The following CGNL1 variants were observed in gnomAD, a reference collection of about 807,000 sequenced individuals.
The protein encoded by CGNL1 is cingulin-like protein 1.
CGNL1 carries 132 observed loss-of-function variants against 141.2 expected under a neutral mutation model. The ratio of observed to expected loss-of-function variants is 0.93; its 90% CI spans 0.81 to 1.08. The LOEUF (loss-of-function observed/expected upper bound fraction) is 1.08. Among genes scored for constraint, CGNL1 ranks in the 50% least tolerant of loss-of-function variants. CGNL1 has a pLI of 0.00. For missense variants in CGNL1, 1,870 were observed against 1,588.6 expected (o/e 1.18, Z -3.01); for synonymous variants, 690 against 622.1 (o/e 1.11, Z -1.63).
At chr15:57,490,493 C>T (rs1174236144) in intron 8 of CGNL1, among the ~76,000 whole-genome samples, 1 of 151,902 alleles carries the variant, frequency 6.6e-6, no homozygotes, top group African/African-American at 2.4e-5. Flanking sequence ...TGCCGGTGGC[C>T]AAAGTCACAA....
At chr15:57,526,748 C>A (rs1489090168) in intron 12 of CGNL1, among the ~76,000 whole-genome samples, 1 of 152,124 alleles carries the variant, frequency 6.6e-6, no homozygotes, top group African/African-American at 2.4e-5. Context: ...AGACACCATG[C>A]TAGTTAATCT....
chr15:57,415,724 G>A (rs2062841207), intron 1 of CGNL1, among the ~76,000 whole-genome samples: 1 of 152,200 alleles, frequency 6.6e-6, no homozygotes, highest in Non-Finnish European at 1.5e-5. Flanking sequence ...TCAGTGCCTG[G>A]CACGGGCCCA....
At chr15:57,542,044 C>G (rs1595815650) in intron 14 of CGNL1, among the ~76,000 whole-genome samples, 1 of 152,186 alleles carries the variant, frequency 6.6e-6, no homozygotes, top group East Asian at 1.9e-4. Flanking sequence ...GTGTGACACA[C>G]CTCGGTCAGG....
At chr15:57,466,005 T>A (rs1208194517) in intron 8 of CGNL1, among the ~76,000 whole-genome samples, 2 of 152,238 alleles carry the variant, frequency 1.3e-5, no homozygotes, top group East Asian at 3.8e-4. Flanking sequence ...AATTCATGAA[T>A]GCCTATGTTA....
chr15:57,476,836 T>A (rs780058309), intron 8 of CGNL1, among the ~76,000 whole-genome samples: 10 of 152,150 alleles, frequency 6.6e-5, no homozygotes, highest in Non-Finnish European at 1.5e-5. Flanking sequence ...TTCACAGTAA[T>A]GAATAAAGTA....
At chr15:57,380,420 G>A (rs2062411698) in intron 1 of CGNL1, among the ~76,000 whole-genome samples, 1 of 152,172 alleles carries the variant, frequency 6.6e-6, no homozygotes, top group Admixed American at 6.5e-5. Flanking sequence ...AGGGGCCTGA[G>A]TCAGGTGGGG....
Position 57,464,383 on chromosome 15 carries a change from T to G in CGNL1, c.2403+2491T>G, listed in dbSNP as rs145467253. 3.1e-3 allele frequency among the ~76,000 whole-genome samples: 471 copies of G among 152,232 alleles called. 5 individuals carry two copies. The highest frequency in any genetic ancestry group is 0.011 in the African/African-American group (444 of 41,528). ...GCATATCTTCAAATTACAAAATAAATAAAGAAATAAATAAAATAACATAGA... is the reference window on the plus strand; with the variant it reads ...GCATATCTTCAAATTACAAAATAAAGAAAGAAATAAATAAAATAACATAGA... On this transcript the variant is annotated intron_variant, in intron 8 of 18. Coordinates refer to ENST00000281282, the MANE Select transcript of CGNL1 (RefSeq NM_032866.5).
Position 57,453,705 on chromosome 15 carries a change from CG to C in CGNL1, c.2080del (p.Glu694SerfsTer35). On this transcript the variant is annotated frameshift_variant, in exon 7 of 19. Transcript: ENST00000281282. LOFTEE classifies it high-confidence loss of function. ...CAGGCTATTCCAGGTGAAGATGGAA[CG>C]GGAGCAGCATCAGACTGAGATCAGG... is the stretch of plus-strand genomic sequence containing the variant. ...LEELFQVKME[R>X]EQHQTEIRDL... 1 of 1,613,770 alleles carries C rather than the reference CG, an allele frequency of 6.2e-7. No homozygotes were observed. Among genetic ancestry groups the C allele is most frequent in the Middle Eastern group, 1.6e-4 (1 of 6,062 alleles).
At chr15:57,537,611 A>G (rs1473278116) in intron 14 of CGNL1, among the ~76,000 whole-genome samples, 1 of 152,174 alleles carries the variant, frequency 6.6e-6, no homozygotes, top group East Asian at 1.9e-4. Flanking sequence ...CAGCCCAATG[A>G]TAAACACAGG....
intron 1 of CGNL1, among the ~76,000 whole-genome samples, chr15:57,434,066 A>C (rs1014776365): frequency 6.8e-6 from 1 of 147,828 alleles, no homozygotes; most frequent in Admixed American, 6.8e-5. Flanking sequence ...AAAGCCTTCA[A>C]TATGAAAAGT....
intron 1 of CGNL1, among the ~76,000 whole-genome samples, chr15:57,377,686 A>G (rs80181903): frequency 6.6e-6 from 1 of 152,178 alleles, no homozygotes; most frequent in Non-Finnish European, 1.5e-5. Context: ...TTTACAGTCA[A>G]TACTGCCAGG....
intron 9 of CGNL1, among the ~76,000 whole-genome samples, chr15:57,517,254 G>A (rs1450657122): frequency 1.3e-5 from 2 of 152,200 alleles, no homozygotes; most frequent in African/African-American, 4.8e-5. Flanking sequence ...GACATACCCA[G>A]CCTTCCATGG....
intron 8 of CGNL1, among the ~76,000 whole-genome samples, chr15:57,468,508 A>C (rs2063539426): frequency 6.6e-6 from 1 of 151,668 alleles, no homozygotes; most frequent in Non-Finnish European, 1.5e-5. Flanking sequence ...TTGGGGTTAT[A>C]GGTGTGACCC....
chr15:57,475,860 G>A (rs1454394349), intron 8 of CGNL1, among the ~76,000 whole-genome samples: 5 of 151,954 alleles, frequency 3.3e-5, no homozygotes, highest in African/African-American at 7.3e-5. Flanking sequence ...TATGGTCTCC[G>A]CCATTTAAAA....
rs1354140941 is a variant in CGNL1 at position 57,401,045 on chromosome 15, A to G, written c.-16+24478A>G. On this transcript the variant is annotated intron_variant, in intron 1 of 18. Transcript: ENST00000281282. Reference sequence around the variant, plus strand: ...TTTTTTTAGATTTTTCTGTAACTTTATATTTTTTACAGAGATGGGGTTACT... The same window carrying G: ...TTTTTTTAGATTTTTCTGTAACTTTGTATTTTTTACAGAGATGGGGTTACT... Among the ~76,000 whole-genome samples the G allele has an allele frequency of 3.3e-5, 5 of 151,938 alleles. 1 individual carries two copies. The South Asian group carries it at 8.3e-4, about 25-fold the overall frequency.
Position 57,547,645 on chromosome 15 carries a change from G to T in CGNL1, c.*155G>T. The T allele has an allele frequency of 3.6e-6, 3 of 844,662 alleles. No homozygotes were observed. The highest frequency in any genetic ancestry group is 3.7e-5 in the South Asian group (2 of 54,054). The allele number at this position is 844,662 out of a possible 1,614,324, so 52.3% of individuals were successfully genotyped here. On this transcript the variant is annotated 3_prime_UTR_variant, in exon 19 of 19. Coordinates refer to ENST00000281282, the MANE Select transcript of CGNL1 (RefSeq NM_032866.5). ...TCCTCAGTGTTACATTCCTCGCCAGGGTCTCTCAGTGGGTCTTCGACAGAG... is the reference window on the plus strand; with the variant it reads ...TCCTCAGTGTTACATTCCTCGCCAGTGTCTCTCAGTGGGTCTTCGACAGAG...
At position 57,544,502 on chromosome 15, in the gene CGNL1, C is replaced by T; in HGVS notation, c.3405C>T (p.His1135=). 4 of 1,613,944 alleles carry T rather than the reference C, an allele frequency of 2.5e-6. No individual in the cohort carries two copies. Among genetic ancestry groups the T allele is most frequent in the Non-Finnish European group, 3.4e-6 (4 of 1,179,948 alleles). The part of the protein sequence containing the change: ...QNKDLKSRII[H]LEGSYRSSKE... ...AGGACTTAAAGAGCCGGATTATCCA[C>T]CTGGAAGGTTCCTACAGGTCCAGCA... The change falls in exon 16 of 19, where the codon CAC becomes CAT. Residue 1135 remains histidine, a synonymous_variant. Transcript: ENST00000281282.
At chr15:57,434,160 TAC>T (rs2063077582) in intron 1 of CGNL1, among the ~76,000 whole-genome samples, 1 of 152,192 alleles carries the variant, frequency 6.6e-6, no homozygotes, top group Non-Finnish European at 1.5e-5. Flanking sequence ...AGAAGAAAGT[TAC>T]AGTTTTCCTT....
chr15:57,537,510 C>G lies in CGNL1; in HGVS notation c.3291+5731C>G, dbSNP rs77451328. ...TTTATTGTATCAGCTGCTCAAAAAC[C>G]CAGTGTGTACAGTTGATTAATAACA... On this transcript the variant is annotated intron_variant, in intron 14 of 18. Transcript: ENST00000281282. 2.7e-3 allele frequency among the ~76,000 whole-genome samples: 417 copies of G among 152,104 alleles called. 2 individuals carry two copies. Among genetic ancestry groups the G allele is most frequent in the African/African-American group, 9.5e-3 (396 of 41,478 alleles).
Sources: gnomAD v4.1 joint callset for allele counts (sites outside exome capture counted in the v4.1 genomes callset) on GRCh38, gnomAD v4.1.1 for gene constraint, MANE v1.5 for transcripts, NCBI Gene and HGNC (gene_info 2026-07-23, HGNC 2026-07-21) for gene names.